Variants in CALB1 observed in about 807,000 individuals in gnomAD.
The protein encoded by CALB1 is calbindin 1, also known as calbindin.
In CALB1, 16 loss-of-function variants were observed where a neutral mutation model predicts 46.7. That is an observed-to-expected ratio of 0.34 (90% CI 0.23 to 0.52). The LOEUF is 0.52. Ranked by LOEUF, CALB1 falls within the 20% of genes least tolerant of loss-of-function variation. CALB1 has a pLI of 0.95. For synonymous variants in CALB1, 90 were observed against 112.8 expected, an observed-to-expected ratio of 0.80 and a Z score of 1.28; for missense variants, 224 against 300.3, an observed-to-expected ratio of 0.75 and a Z score of 1.88.
chr8:90,079,049 G>A (rs1814672637), intron 2 of CALB1, among the ~76,000 whole-genome samples: 1 of 151,932 alleles, frequency 6.6e-6, no homozygotes, highest in South Asian at 2.1e-4. Flanking sequence ...TCTGAACATA[G>A]AACTGGTATT....
In CALB1 at chr8:90,069,280, C is replaced by T. The variant is rs202029603; in HGVS notation, c.232-43G>A. ...AGAGAGAAACGTGTTGTAAGTTGCT[C>T]AAAAACAAGTCTCTGCCATTACCTG... On this transcript the variant is annotated intron_variant, in intron 3 of 10. Transcript: ENST00000265431. 19 of 1,473,942 alleles carry T rather than the reference C, an allele frequency of 1.3e-5. No homozygotes were observed. In the East Asian group the frequency reaches 4.1e-4, roughly 32 times the overall value. The allele number at this position is 1,473,942 out of a possible 1,614,324, so 91.3% of individuals were successfully genotyped here.
chr8:90,068,629 A>G (rs1024540397), intron 5 of CALB1, among the ~76,000 whole-genome samples: 1 of 152,242 alleles, frequency 6.6e-6, no homozygotes, highest in African/African-American at 2.4e-5. Flanking sequence ...GTAGCTATTC[A>G]GTAACTTTTT....
rs754488597 is a variant in CALB1 at position 90,065,786 on chromosome 8, T to C, written c.450+112A>G. The C allele has an allele frequency of 8.7e-6, 6 of 692,692 alleles. No homozygotes were observed. In the Admixed American group the frequency reaches 1.2e-4, roughly 13 times the overall value. The allele number at this position is 692,692 out of a possible 1,614,324, so 42.9% of individuals were successfully genotyped here. On this transcript the variant is annotated intron_variant, in intron 6 of 10. Coordinates refer to ENST00000265431, the MANE Select transcript of CALB1 (RefSeq NM_004929.4). Reference sequence around the variant, plus strand: ...AAATGAAATGATACCTATGTGCATATGATGCCCACACCACCGTTTATTTAT... The same window carrying C: ...AAATGAAATGATACCTATGTGCATACGATGCCCACACCACCGTTTATTTAT...
intron 6 of CALB1, chr8:90,064,346 A>G (rs1369636791): frequency 6.6e-6 from 1 of 151,764 alleles, no homozygotes. Flanking sequence ...TCCATTGACC[A>G]TAAATTCTGA....
At chr8:90,063,688 G>T in intron 6 of CALB1, 3 of 469,564 alleles carry the variant, frequency 6.4e-6, no homozygotes, top group Non-Finnish European at 1.1e-5. Context: ...AGAAATAGTG[G>T]TTTTAGCTAT....
intron 9 of CALB1, chr8:90,060,903 T>G (rs980834541): frequency 3.6e-5 from 20 of 552,074 alleles, no homozygotes; most frequent in African/African-American, 3.4e-4. Flanking sequence ...ATTCAACACC[T>G]TACATTTGTA....
rs1188897109 is a variant in CALB1, at chr8:90,059,199, TATAAC to T, written c.*969_*973del. 1 of 152,640 alleles carries T rather than the reference TATAAC, an allele frequency of 6.6e-6. No individual in the cohort carries two copies. The highest frequency in any genetic ancestry group is 1.5e-5 in the Non-Finnish European group (1 of 68,034). 9.5% of individuals were successfully genotyped at this position (152,640 alleles called of 1,614,324 possible). A position where few individuals can be genotyped will look rare whatever the true frequency, so the allele number is the denominator to read the frequency against. On this transcript the variant is annotated 3_prime_UTR_variant, in exon 11 of 11. Coordinates refer to ENST00000265431, the MANE Select transcript of CALB1 (RefSeq NM_004929.4). ...ACAGAATACACAAAAGTATTGATGATATAACATTCAATAATCAGGATGCTATGAAT... is the reference window on the plus strand; with the variant it reads ...ACAGAATACACAAAAGTATTGATGATATTCAATAATCAGGATGCTATGAAT...
Position 90,058,856 on chromosome 8 carries a change from C to T in CALB1, c.*1317G>A, listed in dbSNP as rs905658567. The T allele has an allele frequency of 1.3e-5, 2 of 152,182 alleles. No individual in the cohort carries two copies. Among genetic ancestry groups the T allele is most frequent in the Admixed American group, 6.5e-5 (1 of 15,286 alleles). The allele number at this position is 152,182 out of a possible 1,614,324, so 9.4% of individuals were successfully genotyped here. ...TGGGGACATTCAAGCTGACCCAGAA[C>T]GATCATTAACTCCTAGGCAGTAACT... is the stretch of plus-strand genomic sequence containing the variant. On this transcript the variant is annotated 3_prime_UTR_variant, in exon 11 of 11. Coordinates refer to ENST00000265431, the MANE Select transcript of CALB1 (RefSeq NM_004929.4).
At chr8:90,070,350 G>A (rs1026698460) in intron 3 of CALB1, among the ~76,000 whole-genome samples, 1 of 152,038 alleles carries the variant, frequency 6.6e-6, no homozygotes, top group Admixed American at 6.5e-5. Flanking sequence ...GTGGATTTTA[G>A]GCCAACAGCC....
rs1432250162 is a variant in CALB1, at chr8:90,063,325, T to G, written c.507-5A>C. ...TTCTCCTGCACTGGTAGTAACCTTT[T>G]GAGAGAAAAACATTATATTAATATA... is the stretch of plus-strand genomic sequence containing the variant. On this transcript the variant is annotated splice_polypyrimidine_tract_variant and splice_region_variant and intron_variant, in intron 7 of 10. Transcript: ENST00000265431. 1 of 1,593,098 alleles carries G rather than the reference T, an allele frequency of 6.3e-7. No individual in the cohort carries two copies. The highest frequency in any genetic ancestry group is 1.3e-5 in the African/African-American group (1 of 74,166).
intron 6 of CALB1, chr8:90,063,807 G>T: frequency 5.2e-6 from 1 of 191,616 alleles, no homozygotes; most frequent in Non-Finnish European, 1.1e-5. Flanking sequence ...TCTCCAATAA[G>T]AAAATAAATA....
intron 3 of CALB1, among the ~76,000 whole-genome samples, chr8:90,073,359 C>G (rs1357588953): frequency 6.6e-6 from 1 of 152,088 alleles, no homozygotes; most frequent in Middle Eastern, 3.4e-3. Flanking sequence ...CAGCTGTGTC[C>G]CCAAGGAGGT....
rs753392446 is a variant in CALB1 at position 90,063,392 on chromosome 8, G to T, written c.506+14C>A. 1.9e-6 allele frequency: 3 copies of T among 1,605,312 alleles called. No individual in the cohort carries two copies. The highest frequency in any genetic ancestry group is 2.7e-5 in the African/African-American group (2 of 74,644). On this transcript the variant is annotated intron_variant, in intron 7 of 10. Coordinates refer to ENST00000265431, the MANE Select transcript of CALB1 (RefSeq NM_004929.4). ...GGATCCACTTACAATATTTTTCATGGTTCCTAAACTCACCTGGCCATCTCA... is the reference window on the plus strand; with the variant it reads ...GGATCCACTTACAATATTTTTCATGTTTCCTAAACTCACCTGGCCATCTCA...
At chr8:90,063,200 T>C (rs763527834) in intron 8 of CALB1, 47 bp from the exon 9 acceptor site, 2 of 1,530,460 alleles carry the variant, frequency 1.3e-6, no homozygotes, top group Admixed American at 3.4e-5. Context: ...TTACTATGTT[T>C]CAGTATGTTT....
rs1159943416 is a variant in CALB1, at chr8:90,059,038, ATCT to A, written c.*1132_*1134del. ...GATGTATGTTAAAGAATGTTTTAGA[ATCT>A]TCTTGCTAGATAAGATAAATGATTA... On this transcript the variant is annotated 3_prime_UTR_variant, in exon 11 of 11. Transcript: ENST00000265431. 1 of 152,230 alleles carries A rather than the reference ATCT, an allele frequency of 6.6e-6. No individual in the cohort carries two copies. The highest frequency in any genetic ancestry group is 1.5e-5 in the Non-Finnish European group (1 of 68,036). 9.4% of individuals were successfully genotyped at this position (152,230 alleles called of 1,614,324 possible). A position where few individuals can be genotyped will look rare whatever the true frequency, so the allele number is the denominator to read the frequency against.
chr8:90,077,618 T>C (rs1386007409), intron 3 of CALB1, among the ~76,000 whole-genome samples: 1 of 152,026 alleles, frequency 6.6e-6, no homozygotes, highest in Non-Finnish European at 1.5e-5. Flanking sequence ...GCTGGAAACG[T>C]AGATATAAGG....
At chr8:90,072,843 T>G (rs1814556994) in intron 3 of CALB1, among the ~76,000 whole-genome samples, 1 of 152,238 alleles carries the variant, frequency 6.6e-6, no homozygotes, top group African/African-American at 2.4e-5. Context: ...GCTGCCTGCC[T>G]GCTCTTTTAT....
At chr8:90,061,855 C>A (rs982898793) in intron 9 of CALB1, 1 of 151,720 alleles carries the variant, frequency 6.6e-6, no homozygotes, top group Non-Finnish European at 1.5e-5. Flanking sequence ...ATAAAAAAAC[C>A]CTAAAATTCA....
intron 2 of CALB1, among the ~76,000 whole-genome samples, chr8:90,079,789 T>C (rs1053627963): frequency 6.6e-6 from 1 of 152,020 alleles, no homozygotes; most frequent in Non-Finnish European, 1.5e-5. Context: ...ATATATTGCA[T>C]TGTTATATTT....
Sources: allele counts gnomAD v4.1 joint callset (sites outside exome capture counted in the v4.1 genomes callset), GRCh38; gene constraint gnomAD v4.1.1; transcripts MANE v1.5; gene names NCBI Gene and HGNC (gene_info 2026-07-23, HGNC 2026-07-21).